The following COL21A1 variants were observed in gnomAD, a reference collection of about 807,000 sequenced individuals.
COL21A1 encodes collagen type XXI alpha 1 chain.
COL21A1 carries 149 observed loss-of-function variants against 137.9 expected under a neutral mutation model. That is an observed-to-expected ratio of 1.08 (90% CI 0.95 to 1.24). The LOEUF (loss-of-function observed/expected upper bound fraction) is 1.24. Among genes scored for constraint, COL21A1 ranks in the 50% most tolerant of loss-of-function variants. The pLI is 0.00. For synonymous variants in COL21A1, 456 were observed against 391.5 expected (o/e 1.16, Z -1.95); for missense variants, 1,167 against 1,158.4 (o/e 1.01, Z -0.11).
intron 1 of COL21A1, among the ~76,000 whole-genome samples, chr6:56,230,409 C>A (rs562055862): frequency 6.6e-6 from 1 of 151,982 alleles, no homozygotes; most frequent in African/African-American, 2.4e-5. Context: ...CATTTTATTT[C>A]TCCTAAAATA....
chr6:56,283,424 TAAC>T (rs1295636801), intron 1 of COL21A1, among the ~76,000 whole-genome samples: 1 of 152,128 alleles, frequency 6.6e-6, no homozygotes, highest in Non-Finnish European at 1.5e-5. Context: ...TCTCCAAACT[TAAC>T]AAATAAATTT....
chr6:56,126,469 C>G (rs938104443), intron 12 of COL21A1: 4 of 240,658 alleles, frequency 1.7e-5, no homozygotes, highest in Admixed American at 5.7e-5. Flanking sequence ...TTGAAATGAT[C>G]TAATCCCAAC....
At chr6:56,265,924 T>A (rs1013245683) in intron 1 of COL21A1, among the ~76,000 whole-genome samples, 1 of 151,962 alleles carries the variant, frequency 6.6e-6, no homozygotes, top group African/African-American at 2.4e-5. Flanking sequence ...GAAAAAAAAA[T>A]TAAGTAAATA....
intron 20 of COL21A1, 126 bp from the exon 21 acceptor site, chr6:56,070,924 G>T: frequency 1.3e-6 from 1 of 750,020 alleles, no homozygotes; most frequent in South Asian, 1.9e-5. Context: ...TTGTTTGATA[G>T]ACTCTGTACA....
At chr6:56,279,675 C>A (rs1763749002) in intron 1 of COL21A1, among the ~76,000 whole-genome samples, 1 of 152,182 alleles carries the variant, frequency 6.6e-6, no homozygotes, top group Admixed American at 6.5e-5. Flanking sequence ...CTTAAAAAAT[C>A]AAGTGAGGTG....
intron 1 of COL21A1, among the ~76,000 whole-genome samples, chr6:56,267,069 ATTCTCTATATGG>A (rs1271822835): frequency 6.6e-6 from 1 of 152,208 alleles, no homozygotes; most frequent in East Asian, 1.9e-4. Flanking sequence ...ATTAATCTTA[ATTCTCTATATGG>A]CAGACATTCA....
chr6:56,337,697 T>G (rs978786855), intron 1 of COL21A1, among the ~76,000 whole-genome samples: 2 of 152,212 alleles, frequency 1.3e-5, no homozygotes, highest in Non-Finnish European at 2.9e-5. Context: ...GTGTCTAAAC[T>G]CAGTGGAATA....
At chr6:56,109,509 A>C (rs2152184266) in intron 16 of COL21A1, among the ~76,000 whole-genome samples, 1 of 152,026 alleles carries the variant, frequency 6.6e-6, no homozygotes, top group African/African-American at 2.4e-5. Context: ...TATGAGAGAA[A>C]GAATGCTTAA....
intron 1 of COL21A1, among the ~76,000 whole-genome samples, chr6:56,219,279 C>A (rs1780683475): frequency 6.9e-6 from 1 of 144,446 alleles, no homozygotes; most frequent in African/African-American, 2.6e-5. Flanking sequence ...TCGGTCTAAT[C>A]CACTACACCA....
At chr6:56,197,738 T>G (rs1015197383) in intron 1 of COL21A1, among the ~76,000 whole-genome samples, 1 of 152,092 alleles carries the variant, frequency 6.6e-6, no homozygotes, top group South Asian at 2.1e-4. Flanking sequence ...AGGGAACACT[T>G]GTACACTGTT....
intron 12 of COL21A1, among the ~76,000 whole-genome samples, chr6:56,133,291 C>T (rs1258313904): frequency 3.3e-5 from 5 of 152,090 alleles, no homozygotes; most frequent in African/African-American, 9.7e-5. Flanking sequence ...GTAAAAGCAA[C>T]TCTTGTTATG....
chr6:56,166,721 T>C (rs1156459439), intron 7 of COL21A1, 185 bp downstream of exon 7: 4 of 685,076 alleles, frequency 5.8e-6, no homozygotes, highest in African/African-American at 5.3e-5. Flanking sequence ...CAATGACACA[T>C]AACAATCTCA....
chr6:56,096,338 C>T (rs1275202324), intron 17 of COL21A1, among the ~76,000 whole-genome samples: 1 of 152,066 alleles, frequency 6.6e-6, no homozygotes, highest in African/African-American at 2.4e-5. Flanking sequence ...TCATATTCTC[C>T]TCAATTAGTA....
At chr6:56,346,907 C>T (rs949871461) in intron 1 of COL21A1, among the ~76,000 whole-genome samples, 1 of 152,072 alleles carries the variant, frequency 6.6e-6, no homozygotes, top group Non-Finnish European at 1.5e-5. Flanking sequence ...GGATCTTGTC[C>T]CTCCTGGTCT....
intron 13 of COL21A1, 103 bp from the exon 14 acceptor site, chr6:56,125,723 C>A: frequency 6.0e-6 from 4 of 669,638 alleles, no homozygotes; most frequent in East Asian, 3.1e-5. Context: ...ATGCCAAAAG[C>A]AAAACAAAAT....
chr6:56,099,653 T>A (rs1770266988), intron 17 of COL21A1, among the ~76,000 whole-genome samples: 1 of 151,580 alleles, frequency 6.6e-6, no homozygotes, highest in African/African-American at 2.4e-5. Flanking sequence ...TTGTGTTTCT[T>A]ATGCTCTTTC....
intron 1 of COL21A1, among the ~76,000 whole-genome samples, chr6:56,239,041 C>T (rs945030195): frequency 1.3e-5 from 2 of 152,162 alleles, no homozygotes; most frequent in African/African-American, 4.8e-5. Flanking sequence ...CAAAGTCACA[C>T]AAGTGGTAAA....
chr6:56,305,453 CT>C (rs561935814), intron 1 of COL21A1, among the ~76,000 whole-genome samples: 342 of 152,240 alleles, frequency 2.2e-3, no homozygotes, highest in African/African-American at 7.8e-3. Context: ...ATAGTTAGCT[CT>C]TCTTGTTGAA....
intron 12 of COL21A1, among the ~76,000 whole-genome samples, chr6:56,138,361 A>G (rs1316947327): frequency 6.6e-6 from 1 of 150,950 alleles, no homozygotes; most frequent in Non-Finnish European, 1.5e-5. Flanking sequence ...ATATGTTTAT[A>G]CTTCTTAATA....
Sources: allele counts gnomAD v4.1 joint callset (sites outside exome capture counted in the v4.1 genomes callset), GRCh38; gene constraint gnomAD v4.1.1; transcripts MANE v1.5; gene names NCBI Gene and HGNC (gene_info 2026-07-23, HGNC 2026-07-21).